The following STK3 variants were observed in gnomAD, a reference collection of about 807,000 sequenced individuals.
STK3 encodes serine/threonine-protein kinase 3.
A neutral mutation model predicts 58.0 loss-of-function variants in STK3; 41 were observed. The observed-to-expected ratio is 0.71, with a 90% CI of 0.55 to 0.92. STK3 has a LOEUF of 0.92. Ranked by LOEUF, STK3 falls within the 40% of genes least tolerant of loss-of-function variation. The pLI, the probability that STK3 is intolerant of heterozygous loss-of-function variation, is 0.00. For synonymous variants in STK3, 170 were observed against 191.0 expected (o/e 0.89, Z 0.91); for missense variants, 479 against 602.7 (o/e 0.79, Z 2.15).
chr8:98,598,581 A>T (rs1816028997), intron 6 of STK3: 1 of 985,290 alleles, frequency 1.0e-6, no homozygotes, highest in African/African-American at 1.7e-5. Flanking sequence ...ACCACAGAGG[A>T]TCCTCTTAAG....
intron 4 of STK3, among the ~76,000 whole-genome samples, chr8:98,739,277 G>A (rs1476445017): frequency 2.6e-5 from 4 of 152,218 alleles, no homozygotes; most frequent in Admixed American, 1.3e-4. Flanking sequence ...TCTGAGAACG[G>A]GCAGACTGCC....
chr8:98,527,254 G>C (rs1444735842), intron 9 of STK3, among the ~76,000 whole-genome samples: 1 of 152,042 alleles, frequency 6.6e-6, no homozygotes, highest in East Asian at 1.9e-4. Context: ...AAAAACTCAG[G>C]TGTTTTTGGT....
In STK3 at chr8:98,903,688, C is replaced by T. The variant is rs1052896947; in HGVS notation, c.-78-19854G>A. 4.1e-4 allele frequency among the ~76,000 whole-genome samples: 63 copies of T among 151,926 alleles called. 1 individual carries two copies. The highest frequency in any genetic ancestry group is 7.4e-5 in the Non-Finnish European group (5 of 67,992). On this transcript the variant is annotated intron_variant, in intron 1 of 1. Transcript: ENST00000519420. ...CCAAACACTGCATTACAGATGTGAA[C>T]CACTGTGCCTGGCCTTAGGCAATTA...
At chr8:98,772,090 A>C (rs1005748466) in intron 2 of STK3, among the ~76,000 whole-genome samples, 5 of 152,226 alleles carry the variant, frequency 3.3e-5, no homozygotes, top group Non-Finnish European at 7.3e-5. Context: ...TTCCATAGAT[A>C]CTGGCACAAT....
At chr8:98,788,461 AC>A (rs1458100396) in intron 1 of STK3, among the ~76,000 whole-genome samples, 6 of 150,350 alleles carry the variant, frequency 4.0e-5, no homozygotes, top group African/African-American at 1.2e-4. Flanking sequence ...AAACAAACAA[AC>A]AAAAAAAAAA....
In STK3 at chr8:98,428,275, TCTC is replaced by T. The variant is rs1296291529; in HGVS notation, n.483+5849_483+5851del. The T allele has an allele frequency of 1.9e-6, 3 of 1,613,992 alleles. No individual in the cohort carries two copies. Among genetic ancestry groups the T allele is most frequent in the Non-Finnish European group, 1.7e-6 (2 of 1,180,026 alleles). ...CACGTCATGGCTGAGCTATGTGTCT[TCTC>T]CTTCAGCCAGGAGATCGAGTACTGG... On this transcript the variant is annotated intron_variant and non_coding_transcript_variant, in intron 3 of 3. Transcript: ENST00000517832. The surrounding 1 kb of genome is among the most constrained non-coding windows in gnomAD (Gnocchi z 6.7).
At chr8:98,536,213 C>A (rs1379911963) in intron 9 of STK3, among the ~76,000 whole-genome samples, 1 of 152,118 alleles carries the variant, frequency 6.6e-6, no homozygotes, top group Non-Finnish European at 1.5e-5. Context: ...TAATCCCTAG[C>A]TTCCTGACTA....
chr8:98,463,590 T>C (rs1468340580), intron 10 of STK3, among the ~76,000 whole-genome samples: 2 of 152,158 alleles, frequency 1.3e-5, no homozygotes, highest in African/African-American at 4.8e-5. Flanking sequence ...TGCTTATTAC[T>C]GATCAGAAAG....
At chr8:98,878,196 G>A (rs1564078299) in intron 3 of STK3, among the ~76,000 whole-genome samples, 1 of 151,946 alleles carries the variant, frequency 6.6e-6, no homozygotes, top group Non-Finnish European at 1.5e-5. Context: ...GGGATTACAG[G>A]TGTGAGCCAC....
Position 98,433,076 on chromosome 8 carries a change from G to T in STK3, n.483+1051C>A, listed in dbSNP as rs571722754. On this transcript the variant is annotated intron_variant and non_coding_transcript_variant, in intron 3 of 3. Transcript: ENST00000517832. The stretch of plus-strand genomic sequence containing the variant: ...GAAAGCCTGGGTGTTTTTTTTGTTT[G>T]TTTGTTTGTTTGTTTTTGCAATTTG... Among the ~76,000 whole-genome samples, 536 of 151,740 alleles carry T rather than the reference G, an allele frequency of 3.5e-3. 3 individuals are homozygous for T. Among genetic ancestry groups the T allele is most frequent in the African/African-American group, 0.012 (497 of 41,146 alleles).
chr8:98,392,276 A>T (rs1484962935), upstream of STK3, among the ~76,000 whole-genome samples: 1 of 152,194 alleles, frequency 6.6e-6, no homozygotes, highest in East Asian at 1.9e-4. Flanking sequence ...GAACAAATAG[A>T]TGACAAAAAT....
chr8:98,523,988 C>G lies in STK3; in HGVS notation c.1317+2754G>C, dbSNP rs1048773491. Among the ~76,000 whole-genome samples the G allele has an allele frequency of 2.0e-5, 3 of 152,090 alleles. No individual in the cohort carries two copies. In the East Asian group the frequency reaches 5.8e-4, roughly 29 times the overall value. On this transcript the variant is annotated intron_variant, in intron 10 of 10. Transcript: ENST00000419617. ...TCCTACTAATTTTTTAGTTTTATTT[C>G]TTACTGTAAGATCTTTGGCCCATTT... is the stretch of plus-strand genomic sequence containing the variant.
intron 2 of STK3, among the ~76,000 whole-genome samples, chr8:98,769,506 C>T (rs944132869): frequency 3.9e-5 from 6 of 152,192 alleles, no homozygotes; most frequent in African/African-American, 9.7e-5. Context: ...TCCCTACCCA[C>T]GTGGAACTAT....
chr8:98,624,765 A>T (rs1818584563), intron 6 of STK3, among the ~76,000 whole-genome samples: 1 of 152,128 alleles, frequency 6.6e-6, no homozygotes, highest in South Asian at 2.1e-4. Context: ...GAGGCAGGAG[A>T]ATCACTTGAA....
intron 1 of STK3, among the ~76,000 whole-genome samples, chr8:98,815,963 C>G (rs997874686): frequency 2.6e-5 from 4 of 152,178 alleles, no homozygotes; most frequent in African/African-American, 9.7e-5. Context: ...ATGATATTCC[C>G]ATGGTCTTGC....
rs1164638081 is a variant in STK3, at chr8:98,767,322, C to T, written c.157G>A (p.Val53Ile). Residue 53 changes from valine to isoleucine, a missense_variant, in exon 3 of 11, where the codon GTC becomes ATC. Physicochemically the swap from Val to Ile is conservative, Grantham distance 29 (BLOSUM62 3). This residue lies in a region of STK3 where 126 missense variants were observed against 210.1 expected (regional missense o/e 0.60). Transcript: ENST00000419617. Reference sequence around the variant, plus strand: ...TCAACAGGTACTTGTTTAATTGCGACAACTTGACCGGATTCCTTGTGTATT... The same window carrying T: ...TCAACAGGTACTTGTTTAATTGCGATAACTTGACCGGATTCCTTGTGTATT... ...KAIHKESGQVVAIKQVPVESD... is the reference protein window; with the variant it reads ...KAIHKESGQVIAIKQVPVESD... The T allele has an allele frequency of 3.1e-6, 5 of 1,611,306 alleles. No homozygotes were observed. The highest frequency in any genetic ancestry group is 1.7e-5 in the Admixed American group (1 of 59,266).
chr8:98,562,493 C>CG (rs1812124003), intron 8 of STK3, among the ~76,000 whole-genome samples: 1 of 151,568 alleles, frequency 6.6e-6, no homozygotes, highest in Non-Finnish European at 1.5e-5. Context: ...AACAGATCAG[C>CG]GGTTGAAAGG....
chr8:98,463,923 T>C (rs1346260133), intron 10 of STK3, among the ~76,000 whole-genome samples: 28 of 152,172 alleles, frequency 1.8e-4, no homozygotes, highest in Admixed American at 1.7e-3. Flanking sequence ...GAGACACTAC[T>C]ACAATGAAGC....
At chr8:98,391,940 T>C (rs1017784659), upstream of STK3, among the ~76,000 whole-genome samples, 1 of 152,204 alleles carries the variant, frequency 6.6e-6, no homozygotes, top group African/African-American at 2.4e-5. Context: ...TTCCCCCTTT[T>C]TATCCCAGTT....
Sources: gnomAD v4.1 joint callset for allele counts (sites outside exome capture counted in the v4.1 genomes callset) on GRCh38, gnomAD v4.1.1 for gene constraint, gnomAD v4.1.1 regional missense constraint, Gnocchi (gnomAD v3.1) non-coding constraint, MANE v1.5 for transcripts, NCBI Gene and HGNC (gene_info 2026-07-23, HGNC 2026-07-21) for gene names.